CNTN6: variants seen among roughly 807,000 people sequenced by gnomAD.
CNTN6 encodes the protein contactin-6.
Under a neutral mutation model 122.8 loss-of-function variants are expected in CNTN6, and 137 were observed. That is an observed-to-expected ratio of 1.12 (90% CI 0.97 to 1.29). The LOEUF is 1.29. Ranked by LOEUF, CNTN6 falls within the 50% of genes most tolerant of loss-of-function variation. The pLI, the probability that CNTN6 is intolerant of heterozygous loss-of-function variation, is 0.00. For missense variants in CNTN6, 1,634 were observed against 1,223.4 expected, an observed-to-expected ratio of 1.34 and a Z score of -5.01; for synonymous variants, 570 against 426.0, an observed-to-expected ratio of 1.34 and a Z score of -4.16.
intron 19 of CNTN6, among the ~76,000 whole-genome samples, chr3:1,384,772 C>CAT (rs66929153): frequency 0.03 from 3,678 of 120,796 alleles, 83 homozygotes; most frequent in East Asian, 0.16. Flanking sequence ...TATATATACA[C>CAT]ATATATATAT....
At chr3:1,326,590 A>G in intron 9 of CNTN6, among the ~76,000 whole-genome samples, 1 of 151,858 alleles carries the variant, frequency 6.6e-6, no homozygotes, top group East Asian at 1.9e-4. Flanking sequence ...TTTAAAGCAT[A>G]CTTTCTTCTA....
chr3:1,368,702 A>C (rs575590383), intron 12 of CNTN6, among the ~76,000 whole-genome samples: 1 of 152,206 alleles, frequency 6.6e-6, no homozygotes, highest in African/African-American at 2.4e-5. Flanking sequence ...TATAACCTCA[A>C]TAAAGTATTA....
rs548915933 is a variant in CNTN6, at chr3:1,247,358, C to T, written c.358+19365C>T. ...GCTATTGACCTCTTTTTTCTCTCTT[C>T]CTTTGTTGTATTTGTAAATGCCATA... On this transcript the variant is annotated intron_variant, in intron 4 of 22. Transcript: ENST00000446702. Among the ~76,000 whole-genome samples the T allele has an allele frequency of 2.0e-5, 3 of 152,096 alleles. No homozygotes were observed. In the East Asian group the frequency reaches 5.8e-4, roughly 29 times the overall value.
chr3:1,212,360 A>G (rs1161437868), intron 2 of CNTN6, among the ~76,000 whole-genome samples: 1 of 149,126 alleles, frequency 6.7e-6, no homozygotes, highest in African/African-American at 2.5e-5. Context: ...CACCATGCCC[A>G]GCCTCTCTAA....
intron 7 of CNTN6, 150 bp downstream of exon 7, chr3:1,298,141 A>G (rs1263540291): frequency 5.0e-6 from 3 of 606,042 alleles, no homozygotes; most frequent in Non-Finnish European, 8.6e-6. Flanking sequence ...TTGAATTTAA[A>G]CAAACATGTC....
chr3:1,196,544 G>C (rs1349558463), intron 2 of CNTN6, among the ~76,000 whole-genome samples: 1 of 152,114 alleles, frequency 6.6e-6, no homozygotes, highest in Non-Finnish European at 1.5e-5. Context: ...ATAAATATTT[G>C]TTGTTGAATG....
At chr3:1,171,753 C>A (rs2093361869) in intron 2 of CNTN6, among the ~76,000 whole-genome samples, 1 of 152,100 alleles carries the variant, frequency 6.6e-6, no homozygotes, top group Non-Finnish European at 1.5e-5. Flanking sequence ...ACTACAGGTG[C>A]ATGCCACCAT....
intron 1 of CNTN6, among the ~76,000 whole-genome samples, chr3:1,136,907 T>A (rs1158985382): frequency 6.6e-6 from 1 of 152,202 alleles, no homozygotes; most frequent in Non-Finnish European, 1.5e-5. Context: ...AAAGCAATAA[T>A]TGTATACCTC....
chr3:1,398,591 G>A (rs777271760), intron 20 of CNTN6, among the ~76,000 whole-genome samples: 1 of 152,112 alleles, frequency 6.6e-6, no homozygotes, highest in Non-Finnish European at 1.5e-5. Context: ...TAACACCACA[G>A]TGGAGAACTG....
At chr3:1,283,947 C>G (rs1391753119) in intron 5 of CNTN6, among the ~76,000 whole-genome samples, 1 of 152,140 alleles carries the variant, frequency 6.6e-6, no homozygotes, top group African/African-American at 2.4e-5. Context: ...TGCAGTGAGC[C>G]AAGATCATGC....
At chr3:1,338,557 G>A (rs942941711) in intron 11 of CNTN6, among the ~76,000 whole-genome samples, 2 of 152,076 alleles carry the variant, frequency 1.3e-5, no homozygotes, top group Non-Finnish European at 2.9e-5. Context: ...TAGCAGTTCA[G>A]CCATTCATTC....
intron 11 of CNTN6, among the ~76,000 whole-genome samples, chr3:1,344,952 A>G (rs1424826819): frequency 1.3e-5 from 2 of 151,612 alleles, no homozygotes; most frequent in African/African-American, 2.4e-5. Flanking sequence ...ACAGTACTTC[A>G]TTTTCACTTC....
intron 2 of CNTN6, among the ~76,000 whole-genome samples, chr3:1,170,570 C>G (rs2093342593): frequency 6.6e-6 from 1 of 152,108 alleles, no homozygotes; most frequent in Admixed American, 6.5e-5. Context: ...CAAAGTGAAG[C>G]TTAAACATTT....
At chr3:1,154,918 T>C (rs1248434493) in intron 2 of CNTN6, among the ~76,000 whole-genome samples, 1 of 152,218 alleles carries the variant, frequency 6.6e-6, no homozygotes, top group Non-Finnish European at 1.5e-5. Context: ...TTTTTTCTTA[T>C]GCTCATCAAA....
At chr3:1,225,978 G>C (rs2094277494) in intron 3 of CNTN6, among the ~76,000 whole-genome samples, 1 of 152,098 alleles carries the variant, frequency 6.6e-6, no homozygotes, top group Admixed American at 6.5e-5. Context: ...ACTTTGGTAG[G>C]CATTTGTCAG....
intron 1 of CNTN6, among the ~76,000 whole-genome samples, chr3:1,141,942 AAAT>A (rs958769975): frequency 2.0e-5 from 3 of 152,062 alleles, no homozygotes; most frequent in African/African-American, 7.2e-5. Context: ...TCACTGGAAA[AAAT>A]AAAGTTGGAA....
chr3:1,228,863 G>T (rs988806188), intron 4 of CNTN6, among the ~76,000 whole-genome samples: 1 of 152,074 alleles, frequency 6.6e-6, no homozygotes, highest in African/African-American at 2.4e-5. Flanking sequence ...AACTACTTCA[G>T]TCATCAGTAG....
At chr3:1,252,358 A>G (rs142615872) in intron 4 of CNTN6, among the ~76,000 whole-genome samples, 21 of 152,314 alleles carry the variant, frequency 1.4e-4, no homozygotes, top group Non-Finnish European at 2.5e-4. Context: ...AGTTTTTACT[A>G]CAATTGTGAT....
chr3:1,144,450 C>T (rs2092680796), intron 1 of CNTN6, among the ~76,000 whole-genome samples: 2 of 151,782 alleles, frequency 1.3e-5, no homozygotes, highest in East Asian at 1.9e-4. Flanking sequence ...TGGAGTGTGC[C>T]TGTAAGCCCA....
Sources: allele counts gnomAD v4.1 joint callset (sites outside exome capture counted in the v4.1 genomes callset), GRCh38; gene constraint gnomAD v4.1.1; transcripts MANE v1.5; gene names NCBI Gene and HGNC (gene_info 2026-07-23, HGNC 2026-07-21).